IDO2: variants seen among roughly 807,000 people sequenced by gnomAD.
IDO2 encodes indoleamine 2,3-dioxygenase-like 1 protein.
IDO2 carries 46 observed loss-of-function variants against 45.1 expected under a neutral mutation model. The observed-to-expected ratio is 1.02, with a 90% CI of 0.80 to 1.30. IDO2 has a LOEUF of 1.30. Among genes scored for constraint, IDO2 ranks in the 50% most tolerant of loss-of-function variants. IDO2 has a pLI of 0.00. For missense variants in IDO2, 544 were observed against 491.8 expected (o/e 1.11, Z -1.00); for synonymous variants, 218 against 184.9 (o/e 1.18, Z -1.45).
intron 8 of IDO2, among the ~76,000 whole-genome samples, chr8:40,002,341 G>A (rs746651836): frequency 6.6e-6 from 1 of 151,978 alleles, no homozygotes; most frequent in African/African-American, 2.4e-5. Context: ...TTCCTGCAAC[G>A]ATATCATCTG....
chr8:40,000,915 A>G (rs529867816), intron 8 of IDO2, among the ~76,000 whole-genome samples: 1 of 152,156 alleles, frequency 6.6e-6, no homozygotes, highest in East Asian at 1.9e-4. Flanking sequence ...TTATTTGTTT[A>G]TTGCCAGTCT....
chr8:39,940,336 G>C (rs894390998), intron 1 of IDO2, among the ~76,000 whole-genome samples: 1 of 152,104 alleles, frequency 6.6e-6, no homozygotes, highest in African/African-American at 2.4e-5. Flanking sequence ...ACCAAACATT[G>C]GGCTTACGGC....
chr8:39,987,872 A>G, exon 7 of IDO2: 1 of 1,597,100 alleles, frequency 6.3e-7, no homozygotes, highest in East Asian at 2.2e-5. Context: ...CTTCCCAAGG[A>G]ACCTGGAGAC....
intron 8 of IDO2, chr8:39,995,290 T>TCTTCTTCTTCCTC (rs1174801048): frequency 2.2e-5 from 3 of 138,298 alleles, no homozygotes; most frequent in African/African-American, 3.0e-5. Context: ...TTCTTCTTCT[T>TCTTCTTCTTCCTC]TTTTTTTTGA....
At chr8:39,978,776 G>A (rs1175840579) in intron 3 of IDO2, among the ~76,000 whole-genome samples, 4 of 152,074 alleles carry the variant, frequency 2.6e-5, no homozygotes, top group South Asian at 2.1e-4. Flanking sequence ...CAGCCAAGCA[G>A]TGGCTTCAGG....
intron 1 of IDO2, 83 bp from the exon 2 acceptor site, chr8:39,949,066 G>A (rs552483045): frequency 5.9e-5 from 90 of 1,523,020 alleles, no homozygotes; most frequent in East Asian, 2.9e-4. Flanking sequence ...GAGACACTGC[G>A]CAACTAACTG....
At chr8:39,977,322 G>T (rs1246380963) in intron 3 of IDO2, among the ~76,000 whole-genome samples, 2 of 152,196 alleles carry the variant, frequency 1.3e-5, no homozygotes, top group Non-Finnish European at 2.9e-5. Context: ...GGCTAAGAGA[G>T]TGTCAATAAA....
At chr8:39,936,579 G>C (rs914886330) in intron 1 of IDO2, among the ~76,000 whole-genome samples, 1 of 152,182 alleles carries the variant, frequency 6.6e-6, no homozygotes, top group Admixed American at 6.5e-5. Flanking sequence ...CCCAGACCCA[G>C]GGCTTATATA....
chr8:40,010,950 C>T (rs983501629), intron 9 of IDO2, among the ~76,000 whole-genome samples: 11 of 152,152 alleles, frequency 7.2e-5, no homozygotes, highest in African/African-American at 2.4e-4. Context: ...CTTGCTCTTT[C>T]GCCCAAACTG....
intron 1 of IDO2, among the ~76,000 whole-genome samples, chr8:39,946,177 A>G (rs1032707350): frequency 2.0e-5 from 3 of 152,162 alleles, no homozygotes; most frequent in African/African-American, 7.2e-5. Flanking sequence ...CAGATTGATA[A>G]AGTGGCTCAT....
chr8:39,993,809 G>T (rs909256710), intron 8 of IDO2, among the ~76,000 whole-genome samples: 2 of 152,024 alleles, frequency 1.3e-5, no homozygotes, highest in East Asian at 1.9e-4. Flanking sequence ...CAGTCCGAGG[G>T]CAGGGTAGCC....
chr8:39,939,169 G>A (rs1348708095), intron 1 of IDO2, among the ~76,000 whole-genome samples: 1 of 151,312 alleles, frequency 6.6e-6, no homozygotes, highest in Non-Finnish European at 1.5e-5. Flanking sequence ...CTTGAACCCA[G>A]GAGGTGGAGG....
intron 1 of IDO2, among the ~76,000 whole-genome samples, chr8:39,944,137 G>A (rs1807696688): frequency 6.6e-6 from 1 of 152,174 alleles, no homozygotes; most frequent in Admixed American, 6.5e-5. Flanking sequence ...AAGGAGAGAT[G>A]TGTATGGATA....
intron 6 of IDO2, among the ~76,000 whole-genome samples, chr8:39,986,656 C>T (rs1026622897): frequency 2.0e-5 from 3 of 150,164 alleles, no homozygotes; most frequent in Admixed American, 6.7e-5. Flanking sequence ...AGATCCCATT[C>T]GATTGTACAG....
chr8:40,004,838 T>C (rs1802195794), intron 8 of IDO2, among the ~76,000 whole-genome samples: 1 of 152,234 alleles, frequency 6.6e-6, no homozygotes, highest in Non-Finnish European at 1.5e-5. Flanking sequence ...AGTGAACCTG[T>C]CTCTGACCTA....
chr8:40,007,797 A>G (rs1463368219), intron 9 of IDO2, among the ~76,000 whole-genome samples: 1 of 152,190 alleles, frequency 6.6e-6, no homozygotes, highest in Admixed American at 6.5e-5. Flanking sequence ...GGCAAGCTCA[A>G]CTGACTTTTC....
intron 3 of IDO2, among the ~76,000 whole-genome samples, chr8:39,967,623 G>A (rs1175335403): frequency 6.6e-6 from 1 of 152,040 alleles, no homozygotes; most frequent in African/African-American, 2.4e-5. Context: ...GAGTAGCTGG[G>A]ATTACAGGCA....
chr8:39,943,768 T>G (rs543804599), intron 1 of IDO2, among the ~76,000 whole-genome samples: 196 of 145,528 alleles, frequency 1.3e-3, no homozygotes, highest in African/African-American at 4.9e-3. Flanking sequence ...AGGAAACCTA[T>G]AGCTAACATC....
chr8:39,939,997 C>G (rs1807619845), intron 1 of IDO2, among the ~76,000 whole-genome samples: 1 of 151,868 alleles, frequency 6.6e-6, no homozygotes, highest in Admixed American at 6.6e-5. Flanking sequence ...GAAATGGATA[C>G]CTTGCTGTGC....
Sources: allele counts gnomAD v4.1 joint callset (sites outside exome capture counted in the v4.1 genomes callset), GRCh38; gene constraint gnomAD v4.1.1; transcripts MANE v1.5; gene names NCBI Gene and HGNC (gene_info 2026-07-23, HGNC 2026-07-21).